Variants in HMSD observed in about 807,000 individuals in gnomAD.
HMSD encodes the protein histocompatibility minor serpin domain containing.
HMSD carries 13 observed loss-of-function variants against 10.0 expected under a neutral mutation model. That is an observed-to-expected ratio of 1.31 (90% CI 0.85 to 2.08). HMSD has a LOEUF of 2.08. Ranked by LOEUF, HMSD falls within the 30% of genes most tolerant of loss-of-function variation. HMSD has a pLI of 0.00. For missense variants in HMSD, 169 were observed against 166.3 expected, an observed-to-expected ratio of 1.02 and a Z score of -0.09; for synonymous variants, 51 against 54.2, an observed-to-expected ratio of 0.94 and a Z score of 0.26.
At chr18:63,954,027 C>G (rs2050344351) in intron 2 of HMSD, among the ~76,000 whole-genome samples, 2 of 152,210 alleles carry the variant, frequency 1.3e-5, no homozygotes, top group South Asian at 4.1e-4. Flanking sequence ...GGGAGAGAGA[C>G]TCCATCTTTT....
At chr18:63,967,151 T>C (rs1245367496) in intron 3 of HMSD, among the ~76,000 whole-genome samples, 1 of 152,096 alleles carries the variant, frequency 6.6e-6, no homozygotes, top group African/African-American at 2.4e-5. Flanking sequence ...TTTTTGTTTG[T>C]TTGTTTGAGA....
chr18:63,954,114 T>C (rs943217482), intron 2 of HMSD, among the ~76,000 whole-genome samples: 3 of 152,224 alleles, frequency 2.0e-5, no homozygotes, highest in Non-Finnish European at 4.4e-5. Flanking sequence ...GTATCATAAA[T>C]AGCACAAGAA....
chr18:63,956,263 C>A (rs1421596194), intron 3 of HMSD, among the ~76,000 whole-genome samples: 1 of 152,002 alleles, frequency 6.6e-6, no homozygotes, highest in Non-Finnish European at 1.5e-5. Flanking sequence ...GCAAAAGAAA[C>A]TATCAACAGT....
At chr18:63,963,075 T>TTC (rs1160121232), downstream of HMSD, among the ~76,000 whole-genome samples, 4,341 of 25,298 alleles carry the variant, frequency 0.17, 94 homozygotes, top group Middle Eastern at 0.27. Flanking sequence ...TTCTTTCTCT[T>TTC]TCTTTCTTTC....
At chr18:63,963,645 A>T (rs536839670), downstream of HMSD, among the ~76,000 whole-genome samples, 65 of 152,328 alleles carry the variant, frequency 4.3e-4, no homozygotes, top group African/African-American at 1.5e-3. Context: ...AAAGAGACAG[A>T]TTCAGTAGTT....
At chr18:63,958,235 G>A (rs1371375323) in intron 3 of HMSD, among the ~76,000 whole-genome samples, 1 of 152,154 alleles carries the variant, frequency 6.6e-6, no homozygotes, top group African/African-American at 2.4e-5. Context: ...ATCTTGTGAG[G>A]TGTAGCTATT....
intron 1 of HMSD, among the ~76,000 whole-genome samples, chr18:63,951,376 G>T (rs2050329543): frequency 6.6e-6 from 1 of 152,144 alleles, no homozygotes; most frequent in Admixed American, 6.5e-5. Context: ...AGAAAAAATT[G>T]GTCTCTGTTT....
chr18:63,960,383 T>A lies in HMSD; in HGVS notation c.*28T>A. The A allele has an allele frequency of 6.5e-7, 1 of 1,544,890 alleles. No individual in the cohort carries two copies. The highest frequency in any genetic ancestry group is 8.7e-7 in the Non-Finnish European group (1 of 1,149,178). ...AGGAGTCCTTTTTTCTCTAAACAAC[T>A]ATGCAAACATTAAAACCTTTCTTTG... is the stretch of plus-strand genomic sequence containing the variant. On this transcript the variant is annotated 3_prime_UTR_variant, in exon 4 of 4. Transcript: ENST00000408945.
chr18:63,963,076 T>G (rs1427072562), downstream of HMSD, among the ~76,000 whole-genome samples: 42 of 9,278 alleles, frequency 4.5e-3, 1 homozygote, highest in South Asian at 9.6e-3. Context: ...TCTTTCTCTT[T>G]CTTTCTTTCT....
intron 3 of HMSD, among the ~76,000 whole-genome samples, chr18:63,958,209 T>A (rs890322496): frequency 6.6e-6 from 1 of 152,196 alleles, no homozygotes; most frequent in Non-Finnish European, 1.5e-5. Context: ...TGATATTTCA[T>A]CAGGACTTCA....
At chr18:63,967,225 G>A (rs927575767) in intron 3 of HMSD, among the ~76,000 whole-genome samples, 4 of 152,110 alleles carry the variant, frequency 2.6e-5, no homozygotes, top group Non-Finnish European at 5.9e-5. Context: ...GCAACCTCCC[G>A]AGGTTCAAGC....
chr18:63,950,480 A>G (rs1206417492), intron 1 of HMSD, among the ~76,000 whole-genome samples: 1 of 151,394 alleles, frequency 6.6e-6, no homozygotes, highest in Non-Finnish European at 1.5e-5. Context: ...AATAATTTCA[A>G]TAATGTTTAC....
In HMSD at chr18:63,952,489, T is replaced by C. The variant is rs182893991; in HGVS notation, c.-102-865T>C. On this transcript the variant is annotated intron_variant, in intron 1 of 3. Coordinates refer to ENST00000408945, the MANE Select transcript of HMSD (RefSeq NM_001123366.2). ...TCAGTGTTTCCCTGTAGTCTTTTTATCTATGAATTATACTTACATGTAACT... is the reference window on the plus strand; with the variant it reads ...TCAGTGTTTCCCTGTAGTCTTTTTACCTATGAATTATACTTACATGTAACT... 2.7e-3 allele frequency among the ~76,000 whole-genome samples: 410 copies of C among 152,356 alleles called. 8 individuals carry two copies. Among genetic ancestry groups the C allele is most frequent in the Admixed American group, 0.02 (312 of 15,304 alleles).
Position 63,960,148 on chromosome 18 carries a change from T to C in HMSD, c.223-10T>C. 1 of 1,607,402 alleles carries C rather than the reference T, an allele frequency of 6.2e-7. No individual in the cohort carries two copies. The highest frequency in any genetic ancestry group is 8.5e-7 in the Non-Finnish European group (1 of 1,178,392). ...TGTAGCTGTGAAATTATGTTTTTGG[T>C]TTTTCCTAGGGTTTTACAGATTCCT... On this transcript the variant is annotated splice_polypyrimidine_tract_variant and intron_variant, in intron 3 of 3. Coordinates refer to ENST00000408945, the MANE Select transcript of HMSD (RefSeq NM_001123366.2).
At chr18:63,965,816 T>C (rs1387711396), downstream of HMSD, among the ~76,000 whole-genome samples, 1 of 152,222 alleles carries the variant, frequency 6.6e-6, no homozygotes. Flanking sequence ...ACAAGAGGTA[T>C]GGCACTGGCA....
At chr18:63,967,254 C>G (rs1386144594) in intron 3 of HMSD, among the ~76,000 whole-genome samples, 9 of 152,168 alleles carry the variant, frequency 5.9e-5, no homozygotes, top group Admixed American at 5.9e-4. Context: ...TGCTTCAGTG[C>G]CCCCTAGTAG....
chr18:63,960,855 G>A lies in HMSD; in HGVS notation c.*500G>A, dbSNP rs2050382561. 6.5e-6 allele frequency: 1 copy of A among 154,604 alleles called. No homozygotes were observed. Among genetic ancestry groups the A allele is most frequent in the African/African-American group, 2.4e-5 (1 of 41,458 alleles). The allele number at this position is 154,604 out of a possible 1,614,324, so 9.6% of individuals were successfully genotyped here. A position where few individuals can be genotyped will look rare whatever the true frequency, so the allele number is the denominator to read the frequency against. ...AGCTACTTAGCTTCAGGGAGAGAAT[G>A]AGACTGAAGATTACAAGGAGACATC... is the stretch of plus-strand genomic sequence containing the variant. On this transcript the variant is annotated 3_prime_UTR_variant, in exon 4 of 4. Transcript: ENST00000408945.
chr18:63,966,430 T>G (rs1033021175), downstream of HMSD: 3 of 152,212 alleles, frequency 2.0e-5, no homozygotes, highest in Non-Finnish European at 4.4e-5. Flanking sequence ...AAAGAGAATG[T>G]ACTTGTGTAA....
At chr18:63,954,654 C>A in intron 3 of HMSD, 97 bp downstream of exon 3, 1 of 1,009,744 alleles carries the variant, frequency 9.9e-7, no homozygotes, top group Non-Finnish European at 1.5e-6. Flanking sequence ...TGGTCCTGAA[C>A]TCAGAACTCC....
Sources: allele counts gnomAD v4.1 joint callset (sites outside exome capture counted in the v4.1 genomes callset), GRCh38; gene constraint gnomAD v4.1.1; transcripts MANE v1.5; gene names NCBI Gene and HGNC (gene_info 2026-07-23, HGNC 2026-07-21).